The following MTCH1 variants were observed in gnomAD, a reference collection of about 807,000 sequenced individuals.
MTCH1 encodes mitochondrial carrier 1.
In MTCH1, 23 loss-of-function variants were observed where a neutral mutation model predicts 49.3. The ratio of observed to expected loss-of-function variants is 0.47; its 90% CI spans 0.34 to 0.66. The LOEUF is 0.66. Among genes scored for constraint, MTCH1 ranks in the 30% least tolerant of loss-of-function variants. The probability of loss-of-function intolerance (pLI) is 0.01; values close to 1 mark genes in which losing one functional copy is unlikely to be tolerated. For missense variants in MTCH1, 397 were observed against 532.1 expected (o/e 0.75, Z 2.50); for synonymous variants, 229 against 215.2 (o/e 1.06, Z -0.56).
upstream of MTCH1, chr6:36,986,439 C>G: frequency 3.2e-6 from 1 of 316,372 alleles, no homozygotes; most frequent in South Asian, 1.3e-4. Flanking sequence ...GGCGCTCCCC[C>G]GGGATGCCCA....
In MTCH1 at chr6:36,978,373, C is replaced by T. The variant is rs914865030; in HGVS notation, c.513+132G>A. The T allele has an allele frequency of 6.2e-6, 6 of 962,048 alleles. No individual in the cohort carries two copies. The Admixed American group carries it at 6.9e-5, about 11-fold the overall frequency. 59.6% of individuals were successfully genotyped at this position (962,048 alleles called of 1,614,324 possible). The stretch of plus-strand genomic sequence containing the variant: ...AGCAGAACTGTGGGGTGGGAGCTCC[C>T]CCATGGGGCTGGAGTGAAGCCCCCA... On this transcript the variant is annotated intron_variant, in intron 3 of 11. Coordinates refer to ENST00000373627, the MANE Select transcript of MTCH1 (RefSeq NM_001271641.2).
chr6:36,972,803 A>G lies in MTCH1; in HGVS notation c.762-7T>C, dbSNP rs1763729278. On this transcript the variant is annotated splice_polypyrimidine_tract_variant and splice_region_variant and intron_variant, in intron 7 of 11. Coordinates refer to ENST00000373627, the MANE Select transcript of MTCH1 (RefSeq NM_001271641.2). The surrounding 1 kb of genome is among the most constrained non-coding windows in gnomAD (Gnocchi z 4.1). ...GAGGTGAGGGATTAATCCACTAAAA[A>G]ACAAGGTAAGCAGAGATGAGCAGGA... 3.2e-6 allele frequency: 5 copies of G among 1,547,188 alleles called. No homozygotes were observed. Among genetic ancestry groups the G allele is most frequent in the Middle Eastern group, 1.7e-4 (1 of 5,832 alleles).
chr6:36,986,478 C>T (rs1216945914), upstream of MTCH1, among the ~76,000 whole-genome samples: 1 of 152,158 alleles, frequency 6.6e-6, no homozygotes, highest in African/African-American at 2.4e-5. Context: ...TTCGGCGCCT[C>T]TGGCTGCCAG....
intron 2 of MTCH1, among the ~76,000 whole-genome samples, chr6:36,979,397 G>A (rs1764010655): frequency 6.6e-6 from 1 of 152,180 alleles, no homozygotes; most frequent in Admixed American, 6.5e-5. Context: ...GTTTTAAATG[G>A]CAGGGTGGTA....
rs1763939975 is a variant in MTCH1 at position 36,977,767 on chromosome 6, T to C, written c.592-76A>G. ...ACTGGCCCTCGAGGGGAGCTACAAGTGCTCAGGAGGGAGAAACCTGTCCCA... is the reference window on the plus strand; with the variant it reads ...ACTGGCCCTCGAGGGGAGCTACAAGCGCTCAGGAGGGAGAAACCTGTCCCA... On this transcript the variant is annotated intron_variant, in intron 4 of 11. Transcript: ENST00000373627. This position sits in a 1 kb window ranked among gnomAD's most constrained non-coding sequence, Gnocchi z 5.4. 7.5e-7 allele frequency: 1 copy of C among 1,330,354 alleles called. No individual in the cohort carries two copies. Among genetic ancestry groups the C allele is most frequent in the Non-Finnish European group, 1.0e-6 (1 of 952,886 alleles). The allele number at this position is 1,330,354 out of a possible 1,614,324, so 82.4% of individuals were successfully genotyped here.
rs1311571884 is a variant in MTCH1 at position 36,975,563 on chromosome 6, G to A, written c.761+95C>T. On this transcript the variant is annotated intron_variant, in intron 7 of 11. Coordinates refer to ENST00000373627, the MANE Select transcript of MTCH1 (RefSeq NM_001271641.2). ...GGCTAGGGCAGGGCCATGTAGTGAA[G>A]TCCCAGGCCAGCAGCTGCGGTCTGA... 4.9e-6 allele frequency: 6 copies of A among 1,235,060 alleles called. No homozygotes were observed. The Admixed American group carries it at 7.0e-5, about 14-fold the overall frequency. 76.5% of individuals were successfully genotyped at this position (1,235,060 alleles called of 1,614,324 possible).
At chr6:36,974,982 G>T (rs1412501875) in intron 7 of MTCH1, among the ~76,000 whole-genome samples, 3 of 152,114 alleles carry the variant, frequency 2.0e-5, no homozygotes, top group Non-Finnish European at 4.4e-5. Flanking sequence ...TATTCTTTCT[G>T]AACTTAGTCT....
chr6:36,969,458 C>T, intron 11 of MTCH1: 1 of 1,072,494 alleles, frequency 9.3e-7, no homozygotes, highest in South Asian at 2.9e-5. Flanking sequence ...GTTCTGCCCT[C>T]GGCCAAAGCC....
chr6:36,978,503 A>G lies in MTCH1; in HGVS notation c.513+2T>C. On this transcript the variant is annotated splice_donor_variant, in intron 3 of 11. Coordinates refer to ENST00000373627, the MANE Select transcript of MTCH1 (RefSeq NM_001271641.2). LOFTEE classifies it high-confidence loss of function. ...ACTGTTCCTGGCTTTGTGTGGGCTC[A>G]CCTTCTTCATGCTACCCCGAGTCAC... 6.2e-7 allele frequency: 1 copy of G among 1,613,770 alleles called. No homozygotes were observed. Among genetic ancestry groups the G allele is most frequent in the East Asian group, 2.2e-5 (1 of 44,870 alleles).
In MTCH1 at chr6:36,985,825, T is replaced by A. The variant is rs1296959735; in HGVS notation, c.321+28A>T. On this transcript the variant is annotated intron_variant, in intron 1 of 11. Transcript: ENST00000373627. ...CTGTCACCTTCACATCAGCCTCCCA[T>A]CTCCCTACGGCGCCTCTGGTCCCCC... 3.4e-6 allele frequency: 5 copies of A among 1,470,644 alleles called. No individual in the cohort carries two copies. The African/African-American group carries it at 4.4e-5, about 13-fold the overall frequency. The allele number at this position is 1,470,644 out of a possible 1,614,324, so 91.1% of individuals were successfully genotyped here.
intron 2 of MTCH1, among the ~76,000 whole-genome samples, chr6:36,981,285 C>G (rs959482808): frequency 6.6e-6 from 1 of 152,164 alleles, no homozygotes; most frequent in Non-Finnish European, 1.5e-5. Context: ...CCCGGGGCAG[C>G]AGAAATAATA....
Position 36,978,574 on chromosome 6 carries a change from C to A in MTCH1, c.444G>T (p.Leu148=). 6.2e-7 allele frequency: 1 copy of A among 1,614,184 alleles called. No individual in the cohort carries two copies. The change falls in exon 3 of 12, where the codon CTG becomes CTT. Residue 148 remains leucine, a synonymous_variant. Coordinates refer to ENST00000373627, the MANE Select transcript of MTCH1 (RefSeq NM_001271641.2). ...YIVQVDGKIG[L]FRGLSPRLMS... Reference sequence around the variant, plus strand: ...TCAGCCGGGGACTCAGGCCTCGGAACAGCCCTATCTTACCATCCACTTGCA... The same window carrying A: ...TCAGCCGGGGACTCAGGCCTCGGAAAAGCCCTATCTTACCATCCACTTGCA...
In MTCH1 at chr6:36,977,148, C is replaced by A. The variant is rs749501986; in HGVS notation, c.701+51G>T. ...CAATCCCAGCACGGCCTGCCCTGGC[C>A]GACTCTGAAAGGGTAACAGGGCCAC... On this transcript the variant is annotated intron_variant, in intron 6 of 11. Transcript: ENST00000373627. This position sits in a 1 kb window ranked among gnomAD's most constrained non-coding sequence, Gnocchi z 5.4. The A allele has an allele frequency of 1.9e-6, 3 of 1,594,178 alleles. No individual in the cohort carries two copies. Among genetic ancestry groups the A allele is most frequent in the Non-Finnish European group, 1.7e-6 (2 of 1,164,796 alleles).
chr6:36,976,435 G>T, intron 6 of MTCH1: 11 of 433,140 alleles, frequency 2.5e-5, no homozygotes, highest in South Asian at 1.7e-4. Flanking sequence ...GCCCTGCCAG[G>T]CCCGGCCCCA....
intron 7 of MTCH1, among the ~76,000 whole-genome samples, chr6:36,974,650 C>T (rs111872926): frequency 1.2e-4 from 18 of 152,110 alleles, no homozygotes; most frequent in African/African-American, 4.1e-4. Flanking sequence ...CGGACACTGC[C>T]GATGTTCCCC....
At position 36,978,505 on chromosome 6, in the gene MTCH1, C is replaced by T. The variant is rs1583261098; in HGVS notation, c.513G>A (p.Lys171=). 6.2e-7 allele frequency: 1 copy of T among 1,613,876 alleles called. No individual in the cohort carries two copies. Among genetic ancestry groups the T allele is most frequent in the Non-Finnish European group, 8.5e-7 (1 of 1,179,842 alleles). The change falls in exon 3 of 12, where the codon AAG becomes AAA. Residue 171 remains lysine (K), a splice_region_variant and synonymous_variant. Transcript: ENST00000373627. ...LSTVTRGSMK[K]VFPPDEIEQV... is the part of the protein sequence containing the mutation. Reference sequence around the variant, plus strand: ...TGTTCCTGGCTTTGTGTGGGCTCACCTTCTTCATGCTACCCCGAGTCACAG... The same window carrying T: ...TGTTCCTGGCTTTGTGTGGGCTCACTTTCTTCATGCTACCCCGAGTCACAG...
chr6:36,975,461 T>C (rs559912815), intron 7 of MTCH1, among the ~76,000 whole-genome samples, 197 bp downstream of exon 7: 4 of 152,232 alleles, frequency 2.6e-5, no homozygotes, highest in Non-Finnish European at 5.9e-5. Context: ...GTTCCACTTT[T>C]ACATGAGCCA....
At chr6:36,970,006 A>C (rs370738959) in intron 11 of MTCH1, 33 bp downstream of exon 11, 1 of 1,612,152 alleles carries the variant, frequency 6.2e-7, no homozygotes, top group African/African-American at 1.3e-5. Context: ...AGCAAAGAAC[A>C]GGAAAGGCCT....
At chr6:36,971,823 G>T (rs1196860446) in intron 8 of MTCH1, among the ~76,000 whole-genome samples, 1 of 152,102 alleles carries the variant, frequency 6.6e-6, no homozygotes, top group Non-Finnish European at 1.5e-5. Context: ...CTTCTTGAAG[G>T]TGATCCCCAC....
Sources: gnomAD v4.1 joint callset for allele counts (sites outside exome capture counted in the v4.1 genomes callset) on GRCh38, gnomAD v4.1.1 for gene constraint, Gnocchi (gnomAD v3.1) non-coding constraint, MANE v1.5 for transcripts, NCBI Gene and HGNC (gene_info 2026-07-23, HGNC 2026-07-21) for gene names.